Variants in ITGB1 observed in about 807,000 individuals in gnomAD.
ITGB1 encodes integrin beta-1.
Under a neutral mutation model 86.5 loss-of-function variants are expected in ITGB1, and 24 were observed. The observed-to-expected ratio is 0.28, with a 90% confidence interval of 0.20 to 0.39. The LOEUF is 0.39. Among genes scored for constraint, ITGB1 ranks in the 10% least tolerant of loss-of-function variants. ITGB1 has a pLI of 1.00. For synonymous variants in ITGB1, 323 were observed against 316.8 expected (o/e 1.02, Z -0.21); for missense variants, 556 against 946.9 (o/e 0.59, Z 5.42).
In ITGB1 at chr10:32,919,896, A is replaced by G. The variant is rs2094943491; in HGVS notation, c.1458T>C (p.Cys486=). The G allele has an allele frequency of 1.2e-6, 2 of 1,614,114 alleles. No homozygotes were observed. Among genetic ancestry groups the G allele is most frequent in the Non-Finnish European group, 1.7e-6 (2 of 1,179,982 alleles). The change falls in exon 11 of 16, where the codon TGT becomes TGC. Residue 486 remains cysteine, a synonymous_variant. Transcript: ENST00000302278. ...KCHEGNGTFE[C]GACRCNEGRV... ...AACACCCAGCTTACCTGCACGCGCC[A>G]CACTCAAATGTCCCATTTCCTTCAT...
chr10:32,944,951 T>G lies in ITGB1; in HGVS notation c.1-9393A>C, dbSNP rs575524261. On this transcript the variant is annotated intron_variant, in intron 1 of 15. Coordinates refer to ENST00000302278, the MANE Select transcript of ITGB1 (RefSeq NM_002211.4). ...GCCAGTCCTGGAATATTACCAAGCT[T>G]TTCTACAAACTAAAGTTCCACAAAG... The G allele has an allele frequency of 2.5e-6, 3 of 1,197,210 alleles. No homozygotes were observed. The South Asian group carries it at 3.7e-5, about 15-fold the overall frequency. The allele number at this position is 1,197,210 out of a possible 1,614,324, so 74.2% of individuals were successfully genotyped here. A position where few individuals can be genotyped will look rare whatever the true frequency, so the allele number is the denominator to read the frequency against.
In ITGB1 at chr10:32,925,970, T is replaced by A; in HGVS notation, c.687A>T (p.Gly229=). 1 of 1,614,088 alleles carries A rather than the reference T, an allele frequency of 6.2e-7. No homozygotes were observed. The highest frequency in any genetic ancestry group is 8.5e-7 in the Non-Finnish European group (1 of 1,179,924). Reference sequence around the variant, plus strand: ...TTCCAACAAGTTCATTAAATACTTCTCCTTTATTAGTAAGACTGAGCACAT... The same window carrying A: ...TTCCAACAAGTTCATTAAATACTTCACCTTTATTAGTAAGACTGAGCACAT... ...YKNVLSLTNK[G]EVFNELVGKQ... is the part of the protein sequence containing the mutation. The change falls in exon 6 of 16, where the codon GGA becomes GGT. Residue 229 remains glycine, a synonymous_variant. Transcript: ENST00000302278.
intron 1 of ITGB1, chr10:32,944,369 G>A (rs374652192): frequency 4.5e-4 from 101 of 223,624 alleles, no homozygotes; most frequent in African/African-American, 9.6e-4. Context: ...GCCCTTGTTC[G>A]GGTGCGGCGT....
intron 11 of ITGB1, among the ~76,000 whole-genome samples, chr10:32,914,640 T>A (rs1390881357): frequency 6.6e-6 from 1 of 152,114 alleles, no homozygotes; most frequent in Non-Finnish European, 1.5e-5. Context: ...ATGCACCCAA[T>A]GCAGGAGCAC....
intron 11 of ITGB1, among the ~76,000 whole-genome samples, chr10:32,915,486 C>T (rs2094928667): frequency 6.6e-6 from 1 of 152,108 alleles, no homozygotes; most frequent in Non-Finnish European, 1.5e-5. Flanking sequence ...GGGGATATCA[C>T]CACCGATCCA....
chr10:32,922,609 G>A lies in ITGB1; in HGVS notation c.1038+31C>T, dbSNP rs769822851. On this transcript the variant is annotated intron_variant, in intron 8 of 15. Transcript: ENST00000302278. ...TGCCTCTAACAATCAAAAATGTTTAGAATCTTGTTCTTTTTATCTCACACA... is the reference window on the plus strand; with the variant it reads ...TGCCTCTAACAATCAAAAATGTTTAAAATCTTGTTCTTTTTATCTCACACA... 9 of 1,333,000 alleles carry A rather than the reference G, an allele frequency of 6.8e-6. No individual in the cohort carries two copies. The Admixed American group carries it at 1.7e-4, about 25-fold the overall frequency. 82.6% of individuals were successfully genotyped at this position (1,333,000 alleles called of 1,614,324 possible). A position where few individuals can be genotyped will look rare whatever the true frequency, so the allele number is the denominator to read the frequency against.
Position 32,908,360 on chromosome 10 carries a change from T to C in ITGB1, c.2331+8A>G, listed in dbSNP as rs2094902970. The C allele has an allele frequency of 2.5e-6, 4 of 1,613,852 alleles. No individual in the cohort carries two copies. Among genetic ancestry groups the C allele is most frequent in the Non-Finnish European group, 3.4e-6 (4 of 1,179,746 alleles). The stretch of plus-strand genomic sequence containing the variant: ...GCCACTTTGCTTTTTGGATGTTTTG[T>C]AACTTACCGTGTCCCATTTGGCATT... On this transcript the variant is annotated splice_region_variant and intron_variant, in intron 15 of 15. Coordinates refer to ENST00000302278, the MANE Select transcript of ITGB1 (RefSeq NM_002211.4).
At chr10:32,931,995 A>G (rs2094984913) in intron 3 of ITGB1, among the ~76,000 whole-genome samples, 1 of 152,080 alleles carries the variant, frequency 6.6e-6, no homozygotes, top group Admixed American at 6.6e-5. Flanking sequence ...TTGGGATGCA[A>G]ATCAATTCCA....
At position 32,932,505 on chromosome 10, in the gene ITGB1, CCTTA is replaced by C. The variant is rs1565828168; in HGVS notation, c.153+6_153+9del. On this transcript the variant is annotated splice_donor_region_variant and intron_variant, in intron 3 of 15. Coordinates refer to ENST00000302278, the MANE Select transcript of ITGB1 (RefSeq NM_002211.4). ...GAACAAATGGAAAGGACTTGAGCAA[CCTTA>C]CTTACTGAATTTGTGCACCACCCAC... 1.9e-6 allele frequency: 3 copies of C among 1,540,584 alleles called. No homozygotes were observed. Among genetic ancestry groups the C allele is most frequent in the Admixed American group, 3.3e-5 (2 of 59,890 alleles).
intron 7 of ITGB1, 23 bp from the exon 8 acceptor site, chr10:32,922,758 T>A (rs976683414): frequency 7.3e-7 from 1 of 1,361,420 alleles, no homozygotes; most frequent in African/African-American, 1.5e-5. Flanking sequence ...GTAATATAAT[T>A]TAGTATTTAA....
chr10:32,940,855 A>G (rs7358223), intron 1 of ITGB1, among the ~76,000 whole-genome samples: 17,124 of 151,662 alleles, frequency 0.11, 1,103 homozygotes, highest in Admixed American at 0.21. Context: ...AACACACTCT[A>G]CTCCCTTGAA....
intron 1 of ITGB1, among the ~76,000 whole-genome samples, chr10:32,947,432 C>CATGTGTGTGT (rs148694478): frequency 1.5e-5 from 2 of 137,296 alleles, no homozygotes; most frequent in Non-Finnish European, 3.1e-5. Flanking sequence ...CACATATAGC[C>CATGTGTGTGT]GTGTGTGTGT....
At chr10:32,914,282 T>A (rs1454007624) in intron 11 of ITGB1, among the ~76,000 whole-genome samples, 1 of 152,136 alleles carries the variant, frequency 6.6e-6, no homozygotes, top group African/African-American at 2.4e-5. Context: ...CCAGCTAACA[T>A]CATAATGACA....
chr10:32,901,659 A>G, intron 15 of ITGB1, 24 bp from the exon 16 acceptor site: 1 of 1,457,400 alleles, frequency 6.9e-7, no homozygotes, highest in Non-Finnish European at 9.6e-7. Flanking sequence ...AAAGTGAGAA[A>G]AATTATCAGT....
rs540427546 is a variant in ITGB1 at position 32,906,926 on chromosome 10, T to A, written c.2331+1442A>T. On this transcript the variant is annotated intron_variant, in intron 15 of 15. Transcript: ENST00000302278. ...GGTCTTTCTAAACGCGAAGTTAACA[T>A]ACAAAAAGAAAAGCCACAATAGCGA... is the stretch of plus-strand genomic sequence containing the variant. 58 of 466,262 alleles carry A rather than the reference T, an allele frequency of 1.2e-4. No homozygotes were observed. In the East Asian group the frequency reaches 3.6e-3, roughly 29 times the overall value. The allele number at this position is 466,262 out of a possible 1,614,324, so 28.9% of individuals were successfully genotyped here. A position where few individuals can be genotyped will look rare whatever the true frequency, so the allele number is the denominator to read the frequency against.
At chr10:32,957,087 A>G (rs1247841337) in intron 1 of ITGB1, among the ~76,000 whole-genome samples, 3 of 152,222 alleles carry the variant, frequency 2.0e-5, no homozygotes, top group Admixed American at 6.5e-5. Flanking sequence ...GAGCGGTTCC[A>G]GAATTAAATA....
Position 32,911,453 on chromosome 10 carries a change from C to T in ITGB1, c.1926G>A (p.Glu642=). 6.2e-7 allele frequency: 1 copy of T among 1,613,732 alleles called. No homozygotes were observed. Among genetic ancestry groups the T allele is most frequent in the East Asian group, 2.2e-5 (1 of 44,878 alleles). ...MCQTCLGVCA[E]HKECVQCRAF... ...AGCAATTAGGAAATACTTACTTATGCTCAGCACAGACACCAAGGCAGGTCT... is the reference window on the plus strand; with the variant it reads ...AGCAATTAGGAAATACTTACTTATGTTCAGCACAGACACCAAGGCAGGTCT... The change falls in exon 13 of 16, where the codon GAG becomes GAA. Residue 642 remains glutamate, a synonymous_variant. Transcript: ENST00000302278.
At chr10:32,936,567 G>A (rs962271041) in intron 1 of ITGB1, among the ~76,000 whole-genome samples, 2 of 151,294 alleles carry the variant, frequency 1.3e-5, no homozygotes, top group Admixed American at 6.6e-5. Flanking sequence ...AACTGAAAAA[G>A]TCTTGTCTTC....
chr10:32,945,481 C>A (rs2095029296), intron 1 of ITGB1, among the ~76,000 whole-genome samples: 1 of 151,996 alleles, frequency 6.6e-6, no homozygotes, highest in Non-Finnish European at 1.5e-5. Flanking sequence ...CGCCTGTAGT[C>A]CCAGCTACTC....
Sources: allele counts gnomAD v4.1 joint callset (sites outside exome capture counted in the v4.1 genomes callset), GRCh38; gene constraint gnomAD v4.1.1; transcripts MANE v1.5; gene names NCBI Gene and HGNC (gene_info 2026-07-23, HGNC 2026-07-21).